Variants in FMN1 observed in about 807,000 individuals in gnomAD.
FMN1 encodes the protein formin-1.
In FMN1, 110 loss-of-function variants were observed where a neutral mutation model predicts 132.4. That is an observed-to-expected ratio of 0.83 (90% CI 0.71 to 0.97). FMN1 has a LOEUF of 0.97. Among genes scored for constraint, FMN1 ranks in the 50% least tolerant of loss-of-function variants. The probability of loss-of-function intolerance (pLI) is 0.00; values close to 1 mark genes in which losing one functional copy is unlikely to be tolerated. For synonymous variants in FMN1, 722 were observed against 651.7 expected (o/e 1.11, Z -1.64); for missense variants, 1,792 against 1,705.3 (o/e 1.05, Z -0.90).
Position 33,067,252 on chromosome 15 carries a change from A to T in FMN1, c.2044-2178T>A, listed in dbSNP as rs974864427. ...CAGCTTCCAGTTTGCTGCTCATCTCAGGTGGAATCCTTTGAGGATCTTCTG... is the reference window on the plus strand; with the variant it reads ...CAGCTTCCAGTTTGCTGCTCATCTCTGGTGGAATCCTTTGAGGATCTTCTG... On this transcript the variant is annotated intron_variant, in intron 5 of 20. Coordinates refer to ENST00000616417, the MANE Select transcript of FMN1 (RefSeq NM_001277313.2). The T allele has an allele frequency of 6.8e-6, 11 of 1,613,354 alleles. No individual in the cohort carries two copies. In the African/African-American group the frequency reaches 1.5e-4, roughly 22 times the overall value.
At chr15:33,157,771 G>T (rs1964731883) in intron 3 of FMN1, among the ~76,000 whole-genome samples, 1 of 152,076 alleles carries the variant, frequency 6.6e-6, no homozygotes, top group Non-Finnish European at 1.5e-5. Context: ...GCGGGAGGTT[G>T]CTTGAGCTCA....
intron 5 of FMN1, among the ~76,000 whole-genome samples, chr15:33,072,267 T>G (rs1480241841): frequency 6.6e-6 from 1 of 152,190 alleles, no homozygotes; most frequent in Non-Finnish European, 1.5e-5. Context: ...AAATGCAGTC[T>G]TCATGAGATG....
At chr15:32,899,393 C>T (rs1596221947) in intron 14 of FMN1, among the ~76,000 whole-genome samples, 1 of 152,210 alleles carries the variant, frequency 6.6e-6, no homozygotes, top group East Asian at 1.9e-4. Context: ...TTGTGTCCTG[C>T]TCACTGGGGC....
In FMN1 at chr15:32,777,481, T is replaced by TATATTTATATATTACGTATAACATATAAC. The variant is rs1567149115; in HGVS notation, c.4131-591_4131-563dup. 2.0e-4 allele frequency among the ~76,000 whole-genome samples: 25 copies of TATATTTATATATTACGTATAACATATAAC among 125,670 alleles called. 2 individuals are homozygous for TATATTTATATATTACGTATAACATATAAC. The highest frequency in any genetic ancestry group is 6.1e-4 in the African/African-American group (23 of 37,910). The allele number at this position is 125,670 out of a possible 152,430, so 82.4% of individuals were successfully genotyped here. ...TTATATATTACGTATATTTATATAT[T>TATATTTATATATTACGTATAACATATAAC]ATATTTATATATTACGTATAACATA... On this transcript the variant is annotated intron_variant, in intron 19 of 20. Transcript: ENST00000616417.
chr15:33,144,094 G>T (rs761151682), intron 4 of FMN1, among the ~76,000 whole-genome samples: 6 of 152,192 alleles, frequency 3.9e-5, no homozygotes, highest in Non-Finnish European at 7.3e-5. Context: ...GAGGAAGAAA[G>T]GGGACCTTTG....
rs1340961706 is a variant in FMN1 at position 33,028,716 on chromosome 15, G to A, written c.2162-20641C>T. ...TTCATCTGGTAGCAAACCTCAAGGG[G>A]CTGCTGGCCACGTGCCCTATCCAAT... is the stretch of plus-strand genomic sequence containing the variant. On this transcript the variant is annotated intron_variant, in intron 6 of 20. Transcript: ENST00000616417. 3.3e-5 allele frequency among the ~76,000 whole-genome samples: 5 copies of A among 152,210 alleles called. No individual in the cohort carries two copies. The South Asian group carries it at 8.3e-4, about 25-fold the overall frequency.
At chr15:33,123,474 A>C (rs1237996744) in intron 4 of FMN1, among the ~76,000 whole-genome samples, 1 of 152,222 alleles carries the variant, frequency 6.6e-6, no homozygotes, top group Non-Finnish European at 1.5e-5. Context: ...ATAGTTCCCC[A>C]AAGTAGTATC....
chr15:32,798,882 A>G lies in FMN1; in HGVS notation c.4052T>C (p.Val1351Ala). 1 of 1,613,358 alleles carries G rather than the reference A, an allele frequency of 6.2e-7. No homozygotes were observed. The highest frequency in any genetic ancestry group is 8.5e-7 in the Non-Finnish European group (1 of 1,179,538). ...GCAGAACTCATACCACACCATAAACACGTAGCTGGGTGTGATCTCCTTCTC... is the reference window on the plus strand; with the variant it reads ...GCAGAACTCATACCACACCATAAACGCGTAGCTGGGTGTGATCTCCTTCTC... ...SGEKEITPSYVFMVWYEFCSD... is the reference protein window; with the variant it reads ...SGEKEITPSYAFMVWYEFCSD... Residue 1351 changes from valine to alanine, a missense_variant, in exon 19 of 21, where the codon GTG becomes GCG. Coordinates refer to ENST00000616417, the MANE Select transcript of FMN1 (RefSeq NM_001277313.2).
At chr15:32,819,650 G>A (rs978836985) in intron 17 of FMN1, among the ~76,000 whole-genome samples, 3 of 151,812 alleles carry the variant, frequency 2.0e-5, no homozygotes, top group African/African-American at 4.8e-5. Flanking sequence ...ATTTAAAGAC[G>A]TTTCCTAAAG....
intron 9 of FMN1, among the ~76,000 whole-genome samples, chr15:32,926,910 G>A (rs1193547662): frequency 6.6e-6 from 1 of 152,096 alleles, no homozygotes; most frequent in African/African-American, 2.4e-5. Flanking sequence ...TCAGCCTTCA[G>A]AGTAGCTGGG....
chr15:32,857,173 G>T, intron 16 of FMN1, 66 bp from the exon 17 acceptor site: 2 of 1,232,434 alleles, frequency 1.6e-6, no homozygotes, highest in Admixed American at 3.4e-5. Context: ...TATGGGCCAG[G>T]TACTGTGCTA....
chr15:32,992,796 C>T (rs964658877), intron 7 of FMN1, among the ~76,000 whole-genome samples: 2 of 152,060 alleles, frequency 1.3e-5, no homozygotes, highest in Admixed American at 1.3e-4. Flanking sequence ...GTTATAAAGA[C>T]CATAACAATC....
chr15:32,965,731 C>G (rs1446146891), intron 8 of FMN1, among the ~76,000 whole-genome samples: 1 of 152,130 alleles, frequency 6.6e-6, no homozygotes, highest in Non-Finnish European at 1.5e-5. Flanking sequence ...CTCTCCTCTA[C>G]TTTTTATTTT....
At chr15:32,775,582 A>G (rs2056390379) in intron 20 of FMN1, among the ~76,000 whole-genome samples, 2 of 152,226 alleles carry the variant, frequency 1.3e-5, no homozygotes, top group Non-Finnish European at 2.9e-5. Flanking sequence ...AATGAATGTC[A>G]TAAATATACC....
chr15:32,888,478 A>G (rs1469014238), intron 15 of FMN1, among the ~76,000 whole-genome samples, 186 bp from the exon 16 acceptor site: 2 of 152,152 alleles, frequency 1.3e-5, no homozygotes, highest in African/African-American at 2.4e-5. Flanking sequence ...GTCTTTCACA[A>G]TCTCTTTTTG....
At chr15:33,074,926 C>G (rs2038142461) in intron 5 of FMN1, among the ~76,000 whole-genome samples, 1 of 143,784 alleles carries the variant, frequency 7.0e-6, no homozygotes, top group Non-Finnish European at 1.5e-5. Context: ...GAGGCTGAGG[C>G]AGGAGAATCG....
intron 17 of FMN1, among the ~76,000 whole-genome samples, chr15:32,836,530 G>T (rs539099303): frequency 6.6e-5 from 10 of 151,950 alleles, no homozygotes; most frequent in Admixed American, 6.6e-4. Flanking sequence ...ACAAATGCCC[G>T]CATGCTTTCT....
intron 17 of FMN1, among the ~76,000 whole-genome samples, chr15:32,813,000 T>C (rs2057936352): frequency 6.6e-6 from 1 of 150,774 alleles, no homozygotes; most frequent in East Asian, 1.9e-4. Flanking sequence ...GGGGAAAAAA[T>C]GGATGGTTGT....
At chr15:32,902,182 G>A (rs2060314320) in intron 12 of FMN1, 142 bp from the exon 13 acceptor site, 1 of 669,630 alleles carries the variant, frequency 1.5e-6, no homozygotes, top group Non-Finnish European at 2.4e-6. Context: ...GTAGACTCAA[G>A]GAATTCCAAG....
Sources: gnomAD v4.1 joint callset for allele counts (sites outside exome capture counted in the v4.1 genomes callset) on GRCh38, gnomAD v4.1.1 for gene constraint, MANE v1.5 for transcripts, NCBI Gene and HGNC (gene_info 2026-07-23, HGNC 2026-07-21) for gene names.